COXFA4L3: variants seen among roughly 807,000 people sequenced by gnomAD.
COXFA4L3 encodes the protein cytochrome c oxidase associated subunit FA4L3, also known as MIR147B host.
chr15:45,431,123 G>A, the COXFA4L3 span: 1 of 1,551,478 alleles, frequency 6.4e-7, no homozygotes, highest in Non-Finnish European at 8.8e-7. Context: ...GTTTTTGGCA[G>A]TGTTTGGATG....
the COXFA4L3 span, chr15:45,430,895 G>A: frequency 5.7e-6 from 9 of 1,571,226 alleles, no homozygotes; most frequent in Non-Finnish European, 7.8e-6. Flanking sequence ...TGAAAAGATG[G>A]CACAGATTTT....
At chr15:45,430,784 C>T in the COXFA4L3 span, 42 of 1,610,364 alleles carry the variant, frequency 2.6e-5, no homozygotes, top group Admixed American at 3.0e-4. Flanking sequence ...GGCAATTCTT[C>T]GCTGAAGTCA....
chr15:45,433,068 A>G, the COXFA4L3 span: 5 of 1,515,546 alleles, frequency 3.3e-6, no homozygotes, highest in South Asian at 1.1e-5. Flanking sequence ...TAGTGGAAAC[A>G]TTTCTGCACA....
chr15:45,430,678 C>T, the COXFA4L3 span: 12 of 894,130 alleles, frequency 1.3e-5, no homozygotes, highest in African/African-American at 1.9e-4. Context: ...TCTGCAGAGA[C>T]GCGGACGCGC....
chr15:45,430,772 T>C, the COXFA4L3 span: 261 of 1,606,458 alleles, frequency 1.6e-4, 1 homozygote, highest in South Asian at 1.2e-3. Flanking sequence ...ATTTCTAGAT[T>C]TGGCAATTCT....
chr15:45,430,984 C>CGAG, the COXFA4L3 span: 2 of 1,611,774 alleles, frequency 1.2e-6, no homozygotes, highest in Non-Finnish European at 1.7e-6. Context: ...GTGTCCCCTC[C>CGAG]ACCTGTTATT....
chr15:45,431,483 A>G, the COXFA4L3 span, among the ~76,000 whole-genome samples: 1 of 152,082 alleles, frequency 6.6e-6, no homozygotes, highest in Non-Finnish European at 1.5e-5. Context: ...TTTAATTAAA[A>G]TTTTAAATTT....
chr15:45,431,773 C>T, the COXFA4L3 span, among the ~76,000 whole-genome samples: 1 of 152,160 alleles, frequency 6.6e-6, no homozygotes, highest in Admixed American at 6.6e-5. Context: ...ATGTCCTTGG[C>T]TTGGCAGTTT....
chr15:45,431,328 T>A, the COXFA4L3 span: 13 of 406,608 alleles, frequency 3.2e-5, no homozygotes, highest in East Asian at 4.7e-4. Flanking sequence ...ATTAATCAAA[T>A]TAGTTTATTT....
chr15:45,432,264 G>C, the COXFA4L3 span: 4 of 722,864 alleles, frequency 5.5e-6, no homozygotes, highest in Non-Finnish European at 6.8e-6. Flanking sequence ...TAATTAAAAT[G>C]AGGAAATTTT....
chr15:45,430,726 T>A, the COXFA4L3 span: 1 of 1,485,048 alleles, frequency 6.7e-7, no homozygotes, highest in African/African-American at 1.4e-5. Context: ...GTGGACGGTT[T>A]GGCGCCCACC....
At chr15:45,433,197 A>G in the COXFA4L3 span, 46 of 635,228 alleles carry the variant, frequency 7.2e-5, no homozygotes, top group Non-Finnish European at 1.2e-4. Context: ...CACTGTCTAA[A>G]AGTTTGTGCT....
the COXFA4L3 span, chr15:45,433,160 G>A: frequency 3.5e-6 from 3 of 848,294 alleles, no homozygotes; most frequent in Non-Finnish European, 6.2e-6. Flanking sequence ...CTCTGGATAA[G>A]GAATTAAAGG....
the COXFA4L3 span, chr15:45,431,385 G>A: frequency 7.7e-6 from 2 of 259,606 alleles, no homozygotes. Flanking sequence ...CTCTCTGGCA[G>A]TGAAGTAAAG....
At chr15:45,430,892 A>T in the COXFA4L3 span, 1 of 1,572,874 alleles carries the variant, frequency 6.4e-7, no homozygotes. Flanking sequence ...AGATGAAAAG[A>T]TGGCACAGAT....
At chr15:45,431,355 T>C in the COXFA4L3 span, 38 of 333,740 alleles carry the variant, frequency 1.1e-4, no homozygotes, top group Non-Finnish European at 1.8e-4. Context: ...TTTATTCTTT[T>C]ACCCATTGGC....
At chr15:45,432,087 A>G in the COXFA4L3 span, 48 of 1,613,726 alleles carry the variant, frequency 3.0e-5, no homozygotes, top group African/African-American at 4.4e-4. Flanking sequence ...ATCGAAAAAA[A>G]AATCCAGAAC....
At chr15:45,431,050 C>G in the COXFA4L3 span, 88 of 1,614,144 alleles carry the variant, frequency 5.5e-5, no homozygotes, top group East Asian at 1.6e-3. Flanking sequence ...GGAGCCTCAT[C>G]TTTCGCTGTG....
chr15:45,430,825 G>C, the COXFA4L3 span: 1 of 1,610,566 alleles, frequency 6.2e-7, no homozygotes, highest in Non-Finnish European at 8.5e-7. Flanking sequence ...CTGATGAAAA[G>C]GAAGGAAGTA....
Sources: allele counts gnomAD v4.1 joint callset (sites outside exome capture counted in the v4.1 genomes callset), GRCh38; gene constraint gnomAD v4.1.1; transcripts MANE v1.5; gene names NCBI Gene and HGNC (gene_info 2026-07-23, HGNC 2026-07-21).